The following SCOC variants were observed in gnomAD, a reference collection of about 807,000 sequenced individuals.
SCOC encodes short coiled coil protein.
SCOC carries 7 observed loss-of-function variants against 9.9 expected under a neutral mutation model. The ratio of observed to expected loss-of-function variants is 0.71; its 90% CI spans 0.40 to 1.33. The LOEUF (loss-of-function observed/expected upper bound fraction) is 1.33, where lower values mean the gene tolerates loss of function less well. Ranked by LOEUF, SCOC falls within the 40% of genes most tolerant of loss-of-function variation. The pLI is 0.01. For missense variants in SCOC, 66 were observed against 89.7 expected, an observed-to-expected ratio of 0.74 and a Z score of 1.07; for synonymous variants, 19 against 28.2, an observed-to-expected ratio of 0.67 and a Z score of 1.03.
rs566763497 is a variant in SCOC, at chr4:140,345,940, C to A, written c.70+2232C>A. ...CTGGATTCCAGATACAATGCTACGT[C>A]CTTTTAACATCTTATTTCATCTTTA... is the stretch of plus-strand genomic sequence containing the variant. On this transcript the variant is annotated intron_variant, in intron 2 of 4. Transcript: ENST00000338517. Among the ~76,000 whole-genome samples, 9 of 152,292 alleles carry A rather than the reference C, an allele frequency of 5.9e-5. No individual in the cohort carries two copies. The South Asian group carries it at 1.7e-3, about 28-fold the overall frequency.
chr4:140,353,726 G>A (rs982081712), intron 2 of SCOC, among the ~76,000 whole-genome samples: 5 of 152,144 alleles, frequency 3.3e-5, no homozygotes, highest in African/African-American at 1.2e-4. Context: ...TCAACATTGG[G>A]AACACAAAAG....
intron 2 of SCOC, among the ~76,000 whole-genome samples, chr4:140,363,973 A>T (rs1727679820): frequency 6.6e-6 from 1 of 152,234 alleles, no homozygotes; most frequent in African/African-American, 2.4e-5. Flanking sequence ...CTTGATATGT[A>T]TTGCAGATTG....
chr4:140,290,934 G>T (rs944340340), intron 1 of SCOC, among the ~76,000 whole-genome samples: 3 of 152,208 alleles, frequency 2.0e-5, no homozygotes, highest in Non-Finnish European at 4.4e-5. Flanking sequence ...TCAGAAACAT[G>T]TGGGGGCTTT....
chr4:140,319,374 AG>A (rs1187956675), intron 1 of SCOC, among the ~76,000 whole-genome samples: 1 of 152,168 alleles, frequency 6.6e-6, no homozygotes, highest in African/African-American at 2.4e-5. Context: ...TACAGGCATG[AG>A]CCACTGTGCC....
intron 2 of SCOC, among the ~76,000 whole-genome samples, chr4:140,354,121 C>A (rs1727104074): frequency 6.6e-6 from 1 of 152,148 alleles, no homozygotes; most frequent in Non-Finnish European, 1.5e-5. Context: ...ATTGTTTGTT[C>A]CTCCGTGTGA....
chr4:140,314,112 T>G (rs1165004283), intron 1 of SCOC: 1 of 141,624 alleles, frequency 7.1e-6, no homozygotes, highest in African/African-American at 2.7e-5. Context: ...AGACCCTGTT[T>G]AAAAAAAAAA....
chr4:140,282,599 T>C (rs537401091), intron 1 of SCOC, among the ~76,000 whole-genome samples: 2 of 152,334 alleles, frequency 1.3e-5, no homozygotes, highest in East Asian at 3.9e-4. Context: ...CTTGCTCATG[T>C]GCTAATGCTA....
rs1427673376 is a variant in SCOC at position 140,384,829 on chromosome 4, C to T, written c.*3725C>T. 1.3e-5 allele frequency: 2 copies of T among 152,084 alleles called. No homozygotes were observed. The highest frequency in any genetic ancestry group is 2.1e-4 in the South Asian group (1 of 4,830). The allele number at this position is 152,084 out of a possible 1,614,324, so 9.4% of individuals were successfully genotyped here. On this transcript the variant is annotated 3_prime_UTR_variant, in exon 4 of 4. Transcript: ENST00000608372. ...AAAATTCTTAGGTTGAAATCCTAAC[C>T]CCAATGTGATGCTTTTAGGAGGTGG...
chr4:140,314,183 T>C, intron 1 of SCOC: 2 of 212,120 alleles, frequency 9.4e-6, no homozygotes, highest in South Asian at 8.7e-5. Context: ...ATGTTAAATG[T>C]TCAGCCCAAT....
upstream of SCOC, chr4:140,373,613 C>T (rs528195754): frequency 5.2e-6 from 8 of 1,551,678 alleles, no homozygotes; most frequent in East Asian, 2.4e-5. Context: ...TCACGGCGCA[C>T]GTTCTGTGGG....
upstream of SCOC, chr4:140,343,397 C>T: frequency 2.5e-6 from 1 of 400,326 alleles, no homozygotes; most frequent in South Asian, 5.6e-5. Context: ...GCCAGCACAG[C>T]AGCCTCCGGT....
chr4:140,366,897 G>A (rs1314789632), intron 2 of SCOC: 1 of 665,438 alleles, frequency 1.5e-6, no homozygotes, highest in Non-Finnish European at 2.7e-6. Context: ...AAGGCCAGGT[G>A]CATTCTTTTA....
chr4:140,260,352 G>A (rs775504342), intron 1 of SCOC, among the ~76,000 whole-genome samples: 1 of 152,226 alleles, frequency 6.6e-6, no homozygotes, highest in Non-Finnish European at 1.5e-5. Context: ...GCAAAGAAAT[G>A]ACAGTTCCAG....
chr4:140,326,648 C>G (rs535598402), intron 1 of SCOC, among the ~76,000 whole-genome samples: 10 of 152,152 alleles, frequency 6.6e-5, no homozygotes, highest in East Asian at 5.8e-4. Flanking sequence ...GGCAGACCCC[C>G]CCCCCTACAC....
At chr4:140,371,909 A>G (rs74729464), upstream of SCOC, among the ~76,000 whole-genome samples, 1,531 of 152,384 alleles carry the variant, frequency 0.01, 12 homozygotes, top group South Asian at 0.038. Context: ...AATACACATA[A>G]TAAATGATAT....
chr4:140,304,412 G>T (rs1192061532), intron 1 of SCOC, among the ~76,000 whole-genome samples: 1 of 151,978 alleles, frequency 6.6e-6, no homozygotes, highest in Non-Finnish European at 1.5e-5. Flanking sequence ...TTTCCTGCAG[G>T]CCAAAAAACA....
chr4:140,339,951 G>T (rs949600221), upstream of SCOC, among the ~76,000 whole-genome samples: 5 of 152,290 alleles, frequency 3.3e-5, 1 homozygote, highest in South Asian at 4.1e-4. Flanking sequence ...CCATTACTGG[G>T]TATATACCCA....
At chr4:140,264,203 C>T (rs1730689025) in intron 1 of SCOC, among the ~76,000 whole-genome samples, 1 of 152,022 alleles carries the variant, frequency 6.6e-6, no homozygotes, top group Admixed American at 6.6e-5. Flanking sequence ...GGGGTCTCAC[C>T]ATGTTGCTCC....
rs139144006 is a variant in SCOC at position 140,305,372 on chromosome 4, A to G, written c.-18-38249A>G. On this transcript the variant is annotated intron_variant, in intron 1 of 4. Transcript: ENST00000394205. ...TACTAGAGCAGTTCTAGATGTTATA[A>G]TTGCTGGGAGCTGGAGGGACAGAGG... Among the ~76,000 whole-genome samples, 1,083 of 152,332 alleles carry G rather than the reference A, an allele frequency of 7.1e-3. 4 individuals carry two copies. The highest frequency in any genetic ancestry group is 0.011 in the African/African-American group (443 of 41,584).
Sources: gnomAD v4.1 joint callset for allele counts (sites outside exome capture counted in the v4.1 genomes callset) on GRCh38, gnomAD v4.1.1 for gene constraint, MANE v1.5 for transcripts, NCBI Gene and HGNC (gene_info 2026-07-23, HGNC 2026-07-21) for gene names.